Variants in NCF2 observed in about 807,000 individuals in gnomAD.
NCF2 encodes neutrophil cytosolic factor 2.
In NCF2, 45 loss-of-function variants were observed where a neutral mutation model predicts 70.9. The ratio of observed to expected loss-of-function variants is 0.63; its 90% CI spans 0.50 to 0.81. NCF2 has a LOEUF of 0.81. Ranked by LOEUF, NCF2 falls within the 40% of genes least tolerant of loss-of-function variation. The pLI is 0.00. For missense variants in NCF2, 522 were observed against 631.6 expected (o/e 0.83, Z 1.86); for synonymous variants, 203 against 233.6 (o/e 0.87, Z 1.19).
intron 2 of NCF2, among the ~76,000 whole-genome samples, chr1:183,581,650 G>A (rs1673083398): frequency 1.3e-5 from 2 of 148,446 alleles, no homozygotes; most frequent in Admixed American, 1.3e-4. Context: ...TTTTTAAAAC[G>A]GGGAAGGGGC....
intron 2 of NCF2, among the ~76,000 whole-genome samples, chr1:183,581,822 C>G (rs539191669): frequency 6.6e-6 from 1 of 152,108 alleles, no homozygotes; most frequent in Non-Finnish European, 1.5e-5. Context: ...CGTCCGCCAC[C>G]GCGCCCGGCT....
At chr1:183,583,750 G>A (rs938728317) in intron 2 of NCF2, among the ~76,000 whole-genome samples, 1 of 152,244 alleles carries the variant, frequency 6.6e-6, no homozygotes, top group Non-Finnish European at 1.5e-5. Flanking sequence ...CATGGCTGGG[G>A]CAAAGGCACG....
intron 7 of NCF2, 85 bp from the exon 8 acceptor site, chr1:183,567,430 TG>T: frequency 1.3e-6 from 2 of 1,587,674 alleles, no homozygotes; most frequent in Non-Finnish European, 1.7e-6. Context: ...GCCAGGGACT[TG>T]GCTCCAGCCT....
chr1:183,586,863 T>C (rs1380937293), intron 2 of NCF2, 32 bp downstream of exon 2: 3 of 1,599,006 alleles, frequency 1.9e-6, no homozygotes, highest in Non-Finnish European at 2.6e-6. Flanking sequence ...CTCTCTGAAA[T>C]CCTCCAGTTG....
At chr1:183,582,905 T>G (rs1673178612) in intron 2 of NCF2, among the ~76,000 whole-genome samples, 1 of 152,132 alleles carries the variant, frequency 6.6e-6, no homozygotes, top group Admixed American at 6.5e-5. Context: ...AGAAATGTGC[T>G]CTAACTTTGT....
At chr1:183,566,435 C>T (rs773758590) in intron 9 of NCF2, among the ~76,000 whole-genome samples, 27 of 152,110 alleles carry the variant, frequency 1.8e-4, no homozygotes, top group Non-Finnish European at 3.2e-4. Flanking sequence ...ATAGAGGTGG[C>T]ATCTCTCTAT....
chr1:183,576,378 C>A (rs1240013028), intron 3 of NCF2, among the ~76,000 whole-genome samples: 1 of 152,312 alleles, frequency 6.6e-6, no homozygotes, highest in African/African-American at 2.4e-5. Context: ...CACTTGTCCC[C>A]CAACTTTCTA....
In NCF2 at chr1:183,560,136, C is replaced by T. The variant is rs1266211254; in HGVS notation, c.1428G>A (p.Leu476=). The change falls in exon 14 of 15, where the codon CTG becomes CTA. Residue 476 remains leucine (L), a synonymous_variant. Coordinates refer to ENST00000367535, the MANE Select transcript of NCF2 (RefSeq NM_000433.4). ...FSYEATQPED[L]EFQEGDIILV... ...GGATTATATCCCCTTCCTGAAACTCCAGGTCCTCTGGTTGGGTAGCCTCAT... is the reference window on the plus strand; with the variant it reads ...GGATTATATCCCCTTCCTGAAACTCTAGGTCCTCTGGTTGGGTAGCCTCAT... 6.2e-7 allele frequency: 1 copy of T among 1,614,162 alleles called. No individual in the cohort carries two copies. The highest frequency in any genetic ancestry group is 1.7e-5 in the Admixed American group (1 of 60,022).
At chr1:183,599,478 C>CTTTCTTTCTTTCTTTCTTTCTTTCTT in the NCF2 span, among the ~76,000 whole-genome samples, 2 of 125,298 alleles carry the variant, frequency 1.6e-5, no homozygotes, top group African/African-American at 6.3e-5. Flanking sequence ...TTCTTTCTTT[C>CTTTCTTTCTTTCTTTCTTTCTTTCTT]TTTCTCTTTT....
intron 11 of NCF2, 66 bp downstream of exon 11, chr1:183,563,939 C>A (rs999520963): frequency 2.6e-6 from 4 of 1,513,132 alleles, no homozygotes; most frequent in East Asian, 2.3e-5. Flanking sequence ...ACAGACATGT[C>A]TGTGGTTGAT....
At chr1:183,597,745 G>C in the NCF2 span, 10 of 152,320 alleles carry the variant, frequency 6.6e-5, no homozygotes, top group Admixed American at 3.9e-4. Flanking sequence ...AATTTTTAAA[G>C]ATTCCCTTTT....
chr1:183,594,697 C>T (rs577979660), upstream of NCF2, among the ~76,000 whole-genome samples: 5 of 152,164 alleles, frequency 3.3e-5, no homozygotes, highest in Non-Finnish European at 5.9e-5. Flanking sequence ...TCCAAAATTC[C>T]AAATAAGCAA....
chr1:183,560,098 T>C lies in NCF2; in HGVS notation c.1466A>G (p.Lys489Arg). The C allele has an allele frequency of 6.2e-7, 1 of 1,614,066 alleles. No individual in the cohort carries two copies. Residue 489 changes from lysine to arginine, a missense_variant and splice_region_variant, in exon 14 of 15, where the codon AAG becomes AGG. Lys to Arg is a conservative substitution (Grantham distance 26). Transcript: ENST00000367535. Reference sequence around the variant, plus strand: ...TATAGTCTTGGAGTAGCACTTACCCTTTGATAACACCAGGATTATATCCCC... The same window carrying C: ...TATAGTCTTGGAGTAGCACTTACCCCTTGATAACACCAGGATTATATCCCC... Reference protein sequence around the residue: ...QEGDIILVLSKVNEEWLEGEC... With the variant: ...QEGDIILVLSRVNEEWLEGEC...
At chr1:183,588,848 A>C (rs1450170218) in intron 1 of NCF2, among the ~76,000 whole-genome samples, 1 of 152,220 alleles carries the variant, frequency 6.6e-6, no homozygotes, top group Non-Finnish European at 1.5e-5. Flanking sequence ...TGGCCCACAC[A>C]ACCTTGCCAA....
At chr1:183,580,197 A>G (rs1464037584) in intron 2 of NCF2, among the ~76,000 whole-genome samples, 1 of 152,184 alleles carries the variant, frequency 6.6e-6, no homozygotes, top group Non-Finnish European at 1.5e-5. Context: ...AAATAGGAGG[A>G]TGGCTTTCTC....
In NCF2 at chr1:183,573,262, G is replaced by A. The variant is rs2102903245; in HGVS notation, c.532C>T (p.Pro178Ser). 1 of 1,614,080 alleles carries A rather than the reference G, an allele frequency of 6.2e-7. No individual in the cohort carries two copies. The highest frequency in any genetic ancestry group is 2.2e-5 in the East Asian group (1 of 44,878). The change falls in exon 5 of 15, where the codon CCT (proline) becomes TCT (serine). Residue 178 changes from proline to serine, a missense_variant. Transcript: ENST00000367535. ...TTTGGTCGAAACAGCTTGCCCACAG[G>A]GATCACCACTGGCTCATATAGCTTC... ...KQKLYEPVVI[P>S]VGKLFRPNER...
At chr1:183,567,681 G>A (rs890055931) in intron 7 of NCF2, among the ~76,000 whole-genome samples, 1 of 152,206 alleles carries the variant, frequency 6.6e-6, no homozygotes, top group Non-Finnish European at 1.5e-5. Context: ...AGGCTGGGCT[G>A]GGGTGGGGTG....
At chr1:183,574,428 C>G (rs559569338) in intron 4 of NCF2, 59 bp downstream of exon 4, 1 of 1,611,950 alleles carries the variant, frequency 6.2e-7, no homozygotes, top group East Asian at 2.2e-5. Context: ...GGCATGTCCT[C>G]TGAGACAAAT....
chr1:183,577,411 T>C (rs1672844810), intron 3 of NCF2, among the ~76,000 whole-genome samples, 188 bp downstream of exon 3: 1 of 152,192 alleles, frequency 6.6e-6, no homozygotes, highest in African/African-American at 2.4e-5. Context: ...CTGATGACAA[T>C]GCCTTGATGA....
Sources: allele counts gnomAD v4.1 joint callset (sites outside exome capture counted in the v4.1 genomes callset), GRCh38; gene constraint gnomAD v4.1.1; transcripts MANE v1.5; gene names NCBI Gene and HGNC (gene_info 2026-07-23, HGNC 2026-07-21).